The following CSDC2 variants were observed in gnomAD, a reference collection of about 807,000 sequenced individuals.
CSDC2 encodes cold shock domain containing C2.
CSDC2 carries 8 observed loss-of-function variants against 15.8 expected under a neutral mutation model. The ratio of observed to expected loss-of-function variants is 0.51; its 90% CI spans 0.30 to 0.92. The LOEUF is 0.92. Among genes scored for constraint, CSDC2 ranks in the 40% least tolerant of loss-of-function variants. CSDC2 has a pLI of 0.07. For missense variants in CSDC2, 195 were observed against 213.3 expected (o/e 0.91, Z 0.53); for synonymous variants, 96 against 92.3 (o/e 1.04, Z -0.23).
intron 1 of CSDC2, among the ~76,000 whole-genome samples, chr22:41,568,132 C>T (rs370236626): frequency 2.5e-3 from 14 of 5,600 alleles, no homozygotes; most frequent in African/African-American, 0.015. Flanking sequence ...CTCTCTCCCT[C>T]TCTTTTTTTT....
At chr22:41,572,215 C>G (rs77755184) in intron 2 of CSDC2, 74 bp downstream of exon 2, 29,870 of 1,206,300 alleles carry the variant, frequency 0.025, 420 homozygotes, top group Non-Finnish European at 0.028. Context: ...CCTCTTCCAA[C>G]TCCTGTTGTC....
Position 41,574,857 on chromosome 22 carries a change from C to T in CSDC2, c.424C>T (p.Pro142Ser), listed in dbSNP as rs1192119582. 1 of 1,609,172 alleles carries T rather than the reference C, an allele frequency of 6.2e-7. No homozygotes were observed. The highest frequency in any genetic ancestry group is 1.3e-5 in the African/African-American group (1 of 74,822). Residue 142 changes from proline to serine, a missense_variant, in exon 4 of 4, where the codon CCC becomes TCC. Physicochemically the swap from Pro to Ser is moderately conservative, Grantham distance 74. Coordinates refer to ENST00000306149, the MANE Select transcript of CSDC2 (RefSeq NM_014460.4). ...GCTCACTCAGCTGGCCCCCCACACT[C>T]CCCACGAGACGTGGTCTGGCCAGGT... Reference protein sequence around the residue: ...VVLTQLAPHTPHETWSGQVVG... With the variant: ...VVLTQLAPHTSHETWSGQVVG...
chr22:41,571,857 TG>T lies in CSDC2; in HGVS notation c.-107del. The T allele has an allele frequency of 1.6e-6, 1 of 641,364 alleles. No individual in the cohort carries two copies. Among genetic ancestry groups the T allele is most frequent in the Non-Finnish European group, 2.3e-6 (1 of 428,352 alleles). 39.7% of individuals were successfully genotyped at this position (641,364 alleles called of 1,614,324 possible). A position where few individuals can be genotyped will look rare whatever the true frequency, so the allele number is the denominator to read the frequency against. On this transcript the variant is annotated 5_prime_UTR_variant, in exon 2 of 4. Transcript: ENST00000306149. ...TCCTCTTCCAGACGGAGCCCGTGGC[TG>T]GTGAGGCCGCAGAGCAGGGCCAGGC... is the stretch of plus-strand genomic sequence containing the variant.
In CSDC2 at chr22:41,573,890, G is replaced by A. The variant is rs538881313; in HGVS notation, c.299+113G>A. 7 of 1,362,686 alleles carry A rather than the reference G, an allele frequency of 5.1e-6. No individual in the cohort carries two copies. The Admixed American group carries it at 1.1e-4, about 22-fold the overall frequency. The allele number at this position is 1,362,686 out of a possible 1,614,324, so 84.4% of individuals were successfully genotyped here. On this transcript the variant is annotated intron_variant, in intron 3 of 3. Coordinates refer to ENST00000306149, the MANE Select transcript of CSDC2 (RefSeq NM_014460.4). ...ACTGGCTGAGGTCTGTATTCATGGT[G>A]CCTTTTCTGTCCTCTGAGTAGGGGC...
chr22:41,562,786 C>A (rs2067094049), intron 1 of CSDC2, among the ~76,000 whole-genome samples: 1 of 152,164 alleles, frequency 6.6e-6, no homozygotes, highest in African/African-American at 2.4e-5. Flanking sequence ...TAGTAGGGAG[C>A]TCTTCTGCCC....
At chr22:41,565,870 C>G (rs1025017516) in intron 1 of CSDC2, among the ~76,000 whole-genome samples, 1 of 152,308 alleles carries the variant, frequency 6.6e-6, no homozygotes, top group Admixed American at 6.5e-5. Context: ...GAGCTTGGCT[C>G]AGAGCCCAAA....
At chr22:41,564,946 C>T (rs977942942) in intron 1 of CSDC2, among the ~76,000 whole-genome samples, 4 of 151,870 alleles carry the variant, frequency 2.6e-5, no homozygotes, top group Non-Finnish European at 4.4e-5. Context: ...GGGGGTTGAT[C>T]ACCTGATGTC....
At chr22:41,573,136 G>A (rs551594015) in intron 2 of CSDC2, among the ~76,000 whole-genome samples, 1 of 152,298 alleles carries the variant, frequency 6.6e-6, no homozygotes, top group South Asian at 2.1e-4. Context: ...GTTAAGGACA[G>A]GAGATCAAGC....
In CSDC2 at chr22:41,574,989, T is replaced by G; in HGVS notation, c.*94T>G. 7.0e-7 allele frequency: 1 copy of G among 1,423,696 alleles called. No homozygotes were observed. The allele number at this position is 1,423,696 out of a possible 1,614,324, so 88.2% of individuals were successfully genotyped here. On this transcript the variant is annotated 3_prime_UTR_variant, in exon 4 of 4. Coordinates refer to ENST00000306149, the MANE Select transcript of CSDC2 (RefSeq NM_014460.4). ...CTCCATGCCCCACTGCCCTGGCTGATGAGTCCTTCGGTGGCCTCAGTGTGC... is the reference window on the plus strand; with the variant it reads ...CTCCATGCCCCACTGCCCTGGCTGAGGAGTCCTTCGGTGGCCTCAGTGTGC...
At chr22:41,572,173 C>T (rs371415189) in intron 2 of CSDC2, 32 bp downstream of exon 2, 709 of 1,280,406 alleles carry the variant, frequency 5.5e-4, no homozygotes, top group Non-Finnish European at 6.5e-4. Flanking sequence ...AGGCCCCTGA[C>T]CCTTGTCAGG....
intron 3 of CSDC2, among the ~76,000 whole-genome samples, chr22:41,574,394 T>C (rs2067164255): frequency 6.6e-6 from 1 of 152,214 alleles, no homozygotes. Context: ...GCCTCCCAAG[T>C]AGCTGGAATT....
At chr22:41,561,845 G>T (rs951166555) in intron 1 of CSDC2, among the ~76,000 whole-genome samples, 2 of 152,224 alleles carry the variant, frequency 1.3e-5, no homozygotes, top group African/African-American at 2.4e-5. Flanking sequence ...CGGAGGGCAG[G>T]GGTGATAAGT....
rs770872844 is a variant in CSDC2, at chr22:41,574,760, G to A, written c.327G>A (p.Glu109=). ...TCGAGGGGGAGTACGTGCCAGTGGAGGGCGACGAGGTGACCTACAAGATGT... is the reference window on the plus strand; with the variant it reads ...TCGAGGGGGAGTACGTGCCAGTGGAAGGCGACGAGGTGACCTACAAGATGT... ...SDIEGEYVPV[E]GDEVTYKMCP... The change falls in exon 4 of 4, where the codon GAG becomes GAA. Residue 109 remains glutamate, a synonymous_variant. Transcript: ENST00000306149. 9 of 1,613,796 alleles carry A rather than the reference G, an allele frequency of 5.6e-6. No individual in the cohort carries two copies. The highest frequency in any genetic ancestry group is 7.6e-6 in the Non-Finnish European group (9 of 1,180,020).
Position 41,575,047 on chromosome 22 carries a change from G to A in CSDC2, c.*152G>A. 3.1e-6 allele frequency: 3 copies of A among 963,466 alleles called. No homozygotes were observed. The highest frequency in any genetic ancestry group is 3.3e-5 in the South Asian group (2 of 59,988). The allele number at this position is 963,466 out of a possible 1,614,324, so 59.7% of individuals were successfully genotyped here. Reference sequence around the variant, plus strand: ...TCTGTCCGTCTGTGCTTGTGGCTATGAGCGTGTGCCTCCACCCACCCCACG... The same window carrying A: ...TCTGTCCGTCTGTGCTTGTGGCTATAAGCGTGTGCCTCCACCCACCCCACG... On this transcript the variant is annotated 3_prime_UTR_variant, in exon 4 of 4. Transcript: ENST00000306149.
At chr22:41,567,297 G>A (rs1341536662) in intron 1 of CSDC2, among the ~76,000 whole-genome samples, 1 of 152,210 alleles carries the variant, frequency 6.6e-6, no homozygotes, top group African/African-American at 2.4e-5. Flanking sequence ...CTGGGACTCT[G>A]TCACCTGCTG....
intron 1 of CSDC2, among the ~76,000 whole-genome samples, chr22:41,568,468 A>G (rs2067128248): frequency 6.6e-6 from 1 of 152,132 alleles, no homozygotes; most frequent in Non-Finnish European, 1.5e-5. Flanking sequence ...TAATTTTTAT[A>G]GACACAAGCT....
chr22:41,571,151 G>A (rs998433354), intron 1 of CSDC2, among the ~76,000 whole-genome samples: 8 of 151,970 alleles, frequency 5.3e-5, no homozygotes, highest in African/African-American at 1.9e-4. Flanking sequence ...TCAGGAGTTC[G>A]AGACCTGCCT....
intron 1 of CSDC2, among the ~76,000 whole-genome samples, chr22:41,562,968 C>T (rs376942658): frequency 6.6e-6 from 1 of 152,084 alleles, no homozygotes; most frequent in Admixed American, 6.5e-5. Flanking sequence ...TGCCTAGGGT[C>T]GCACAGCCAA....
chr22:41,572,227 T>TGAGGACAA, intron 2 of CSDC2, 86 bp downstream of exon 2: 2 of 1,135,984 alleles, frequency 1.8e-6, no homozygotes, highest in Non-Finnish European at 2.3e-6. Context: ...CCTGTTGTCC[T>TGAGGACAA]CACCTGGGAC....
Sources: gnomAD v4.1 joint callset for allele counts (sites outside exome capture counted in the v4.1 genomes callset) on GRCh38, gnomAD v4.1.1 for gene constraint, MANE v1.5 for transcripts, NCBI Gene and HGNC (gene_info 2026-07-23, HGNC 2026-07-21) for gene names.